Variants in FAM20C observed in about 807,000 individuals in gnomAD.
FAM20C encodes the protein extracellular serine/threonine protein kinase FAM20C.
Under a neutral mutation model 51.5 loss-of-function variants are expected in FAM20C, and 40 were observed. That is an observed-to-expected ratio of 0.78 (90% CI 0.60 to 1.01). The LOEUF (loss-of-function observed/expected upper bound fraction) is 1.01, where lower values mean the gene tolerates loss of function less well. FAM20C is among the 50% of genes least tolerant of loss of function. FAM20C has a pLI of 0.00. For synonymous variants in FAM20C, 406 were observed against 380.6 expected, an observed-to-expected ratio of 1.07 and a Z score of -0.78; for missense variants, 861 against 844.7, an observed-to-expected ratio of 1.02 and a Z score of -0.24.
chr7:195,802 G>A (rs1785839630), intron 2 of FAM20C, 70 bp downstream of exon 2: 2 of 1,418,348 alleles, frequency 1.4e-6, no homozygotes, highest in Middle Eastern at 1.9e-4. Flanking sequence ...GCTGGGGCAG[G>A]CTATGTGTTA....
In FAM20C at chr7:208,000, C is replaced by T. The variant is rs533671306; in HGVS notation, c.785-898C>T. On this transcript the variant is annotated intron_variant, in intron 2 of 9. Transcript: ENST00000313766. ...GCTTCCACACCCCAGCGAGTCCTTG[C>T]GGAGCGGCGGGAGCTGCCTCGCATG... Among the ~76,000 whole-genome samples the T allele has an allele frequency of 7.9e-5, 12 of 152,348 alleles. No homozygotes were observed. The East Asian group carries it at 2.1e-3, about 27-fold the overall frequency.
At chr7:226,519 G>C (rs1787454213) in intron 3 of FAM20C, among the ~76,000 whole-genome samples, 1 of 152,228 alleles carries the variant, frequency 6.6e-6, no homozygotes, top group Admixed American at 6.5e-5. Flanking sequence ...CGGCCGCCCG[G>C]CTGGGCCTCT....
At chr7:237,766 A>AGG (rs1787891630) in intron 3 of FAM20C, among the ~76,000 whole-genome samples, 1 of 139,080 alleles carries the variant, frequency 7.2e-6, no homozygotes, top group Non-Finnish European at 1.6e-5. Context: ...GATGATGGTG[A>AGG]TGGTGATGAT....
chr7:243,944 A>ATTATTATTATT lies in FAM20C; in HGVS notation c.864-2471_864-2470insTTATTATTATT, dbSNP rs1554254465. On this transcript the variant is annotated intron_variant, in intron 3 of 9. Transcript: ENST00000313766. The stretch of plus-strand genomic sequence containing the variant: ...AAATAATAATAATAATAATAATAAT[A>ATTATTATTATT]ATTATTATTATTATTATTTGGAGAC... Among the ~76,000 whole-genome samples the ATTATTATTATT allele has an allele frequency of 8.0e-3, 1,099 of 136,798 alleles. 15 individuals are homozygous for ATTATTATTATT. The highest frequency in any genetic ancestry group is 0.028 in the African/African-American group (1,020 of 36,684). The allele number at this position is 136,798 out of a possible 152,430, so 89.7% of individuals were successfully genotyped here. A position where few individuals can be genotyped will look rare whatever the true frequency, so the allele number is the denominator to read the frequency against.
intron 2 of FAM20C, among the ~76,000 whole-genome samples, chr7:204,264 G>A (rs534168728): frequency 6.6e-6 from 1 of 152,332 alleles, no homozygotes; most frequent in East Asian, 1.9e-4. Flanking sequence ...GCCCGTTTAC[G>A]GAGCCTCGAG....
intron 3 of FAM20C, among the ~76,000 whole-genome samples, chr7:210,730 C>T (rs963913164): frequency 6.6e-6 from 1 of 152,168 alleles, no homozygotes; most frequent in African/African-American, 2.4e-5. Context: ...GCAGAGTGTT[C>T]CTGGGCGCCA....
chr7:201,505 C>G (rs919411137), intron 2 of FAM20C, among the ~76,000 whole-genome samples: 1 of 152,190 alleles, frequency 6.6e-6, no homozygotes, highest in Admixed American at 6.5e-5. Context: ...ACCCCCAGGC[C>G]CGGGCCACAC....
rs553191826 is a variant in FAM20C at position 199,305 on chromosome 7, C to T, written c.784+3573C>T. Reference sequence around the variant, plus strand: ...CCAAGCCAATCAGGCAGGTTTAGAGCCTGGTGCCCCTAGACAGGTCCTGCA... The same window carrying T: ...CCAAGCCAATCAGGCAGGTTTAGAGTCTGGTGCCCCTAGACAGGTCCTGCA... On this transcript the variant is annotated intron_variant, in intron 2 of 9. Transcript: ENST00000313766. Among the ~76,000 whole-genome samples the T allele has an allele frequency of 5.3e-5, 8 of 152,358 alleles. No individual in the cohort carries two copies. The South Asian group carries it at 1.7e-3, about 32-fold the overall frequency.
intron 3 of FAM20C, among the ~76,000 whole-genome samples, chr7:244,382 G>C (rs1488686329): frequency 2.0e-5 from 3 of 152,200 alleles, no homozygotes; most frequent in African/African-American, 7.2e-5. Context: ...CAACACTCCA[G>C]AATTTACCAC....
At chr7:222,010 GCT>G (rs1787249531) in intron 3 of FAM20C, among the ~76,000 whole-genome samples, 1 of 96,734 alleles carries the variant, frequency 1.0e-5, no homozygotes. Flanking sequence ...AGGGCAGGGG[GCT>G]GCAGGAGCCG....
intron 6 of FAM20C, chr7:256,437 G>A: frequency 1.7e-6 from 1 of 589,564 alleles, no homozygotes; most frequent in Admixed American, 3.0e-5. Flanking sequence ...AGAGGTGAAG[G>A]CAGCTCCAGG....
intron 8 of FAM20C, among the ~76,000 whole-genome samples, chr7:258,224 G>A (rs1444071881): frequency 7.0e-6 from 1 of 143,546 alleles, no homozygotes; most frequent in African/African-American, 2.8e-5. Context: ...CTGGGGTGCT[G>A]GAGATGGGTG....
intron 2 of FAM20C, among the ~76,000 whole-genome samples, chr7:204,399 T>C (rs1165582373): frequency 6.6e-6 from 1 of 152,232 alleles, no homozygotes; most frequent in East Asian, 1.9e-4. Flanking sequence ...CAGACCTGAC[T>C]GCGCAGTGGT....
Position 193,076 on chromosome 7 carries a change from G to A in FAM20C, c.-124G>A, listed in dbSNP as rs1438980691. ...CGGCCCGGGCCCGGGGACAGCCCCG[G>A]AGCTGGTAGCCGCCCGGCACCGATG... On this transcript the variant is annotated 5_prime_UTR_variant, in exon 1 of 10. Transcript: ENST00000313766. 2.3e-4 allele frequency: 187 copies of A among 825,070 alleles called. No homozygotes were observed. Among genetic ancestry groups the A allele is most frequent in the Non-Finnish European group, 2.8e-4 (176 of 626,132 alleles). The allele number at this position is 825,070 out of a possible 1,614,324, so 51.1% of individuals were successfully genotyped here.
intron 3 of FAM20C, among the ~76,000 whole-genome samples, chr7:226,912 G>A (rs1787469236): frequency 6.6e-6 from 1 of 152,212 alleles, no homozygotes; most frequent in Non-Finnish European, 1.5e-5. Context: ...CTCAGAGAGT[G>A]CGGTTCTGGG....
Position 207,826 on chromosome 7 carries a change from C to T in FAM20C, c.785-1072C>T, listed in dbSNP as rs537437870. On this transcript the variant is annotated intron_variant, in intron 2 of 9. Transcript: ENST00000313766. ...CTTAGCTCCCGGGGCTGCCCCAGGC[C>T]GAGGCCAGCCCCTTCCCTGCTGTGG... Among the ~76,000 whole-genome samples the T allele has an allele frequency of 7.9e-4, 120 of 152,344 alleles. 1 individual carries two copies. The highest frequency in any genetic ancestry group is 2.7e-3 in the African/African-American group (114 of 41,582).
chr7:236,553 C>A (rs1333785513), intron 3 of FAM20C, among the ~76,000 whole-genome samples: 2 of 152,242 alleles, frequency 1.3e-5, no homozygotes, highest in Non-Finnish European at 2.9e-5. Flanking sequence ...GTCTTGCTCC[C>A]ACTTCTTACT....
At chr7:258,135 C>A (rs1298415300) in intron 8 of FAM20C, among the ~76,000 whole-genome samples, 3 of 124,638 alleles carry the variant, frequency 2.4e-5, no homozygotes, top group South Asian at 2.5e-4. Context: ...CGGGGTGGAC[C>A]CACTGACTGG....
At chr7:199,039 T>G (rs1786013307) in intron 2 of FAM20C, among the ~76,000 whole-genome samples, 1 of 152,218 alleles carries the variant, frequency 6.6e-6, no homozygotes, top group South Asian at 2.1e-4. Context: ...CTGCTCCATG[T>G]CCAGGTCCAG....
Sources: gnomAD v4.1 joint callset for allele counts (sites outside exome capture counted in the v4.1 genomes callset) on GRCh38, gnomAD v4.1.1 for gene constraint, MANE v1.5 for transcripts, NCBI Gene and HGNC (gene_info 2026-07-23, HGNC 2026-07-21) for gene names.